The following ZNF41 variants were observed in gnomAD, a reference collection of about 807,000 sequenced individuals.
The protein encoded by ZNF41 is zinc finger protein 41.
A neutral mutation model predicts 9.3 loss-of-function variants in ZNF41; 6 were observed. The ratio of observed to expected loss-of-function variants is 0.65; its 90% CI spans 0.35 to 1.28. The LOEUF (loss-of-function observed/expected upper bound fraction) is 1.28. Among genes scored for constraint, ZNF41 ranks in the 50% most tolerant of loss-of-function variants. ZNF41 has a pLI of 0.03. For missense variants in ZNF41, 523 were observed against 585.8 expected (o/e 0.89, Z 1.11); for synonymous variants, 192 against 207.1 (o/e 0.93, Z 0.63).
At chrX:47,475,334 TC>T (rs1226177752) in intron 1 of ZNF41, among the ~76,000 whole-genome samples, 11 of 106,913 alleles carry the variant, frequency 1.0e-4, no homozygotes, top group Non-Finnish European at 1.9e-4. Flanking sequence ...CCAAAATTAA[TC>T]CCCCCCACCA....
At position 47,448,836 on chromosome X, in the gene ZNF41, G is replaced by A. The variant is rs1332414037; in HGVS notation, c.934C>T (p.Pro312Ser). 5.8e-6 allele frequency: 7 copies of A among 1,209,598 alleles called. No individual in the cohort carries two copies. Among genetic ancestry groups the A allele is most frequent in the Non-Finnish European group, 7.8e-6 (7 of 895,201 alleles). The change falls in exon 5 of 5, where the codon CCC becomes TCC. Residue 312 changes from proline (P) to serine (S), a missense_variant. Pro to Ser is a moderately conservative substitution (Grantham distance 74, BLOSUM62 -1). Coordinates refer to ENST00000684689, the MANE Select transcript of ZNF41 (RefSeq NM_001324144.2). ...DKSNKVFPQK[P>S]QVDVHPSVYT... Reference sequence around the variant, plus strand: ...ACACTTGGATGTACATCAACCTGGGGTTTCTGGGGGAAGACTTTGTTGCTT... The same window carrying A: ...ACACTTGGATGTACATCAACCTGGGATTTCTGGGGGAAGACTTTGTTGCTT...
intron 1 of ZNF41, among the ~76,000 whole-genome samples, chrX:47,475,992 T>C (rs1262794684): frequency 1.8e-5 from 2 of 111,378 alleles, no homozygotes; most frequent in Non-Finnish European, 3.8e-5. Flanking sequence ...GAGCCATTCC[T>C]AAGAAAAATA....
chrX:47,481,385 C>T (rs1315419166), intron 1 of ZNF41, among the ~76,000 whole-genome samples: 1 of 111,884 alleles, frequency 8.9e-6, no homozygotes, highest in Non-Finnish European at 1.9e-5. Context: ...TGCAATGAGC[C>T]ATGATGGTTT....
Position 47,455,967 on chromosome X carries a change from C to T in ZNF41, c.249G>A (p.Glu83=), listed in dbSNP as rs757491882. Residue 83 remains glutamate, a synonymous_variant, in exon 4 of 5, where the codon GAG becomes GAA. Coordinates refer to ENST00000684689, the MANE Select transcript of ZNF41 (RefSeq NM_001324144.2). ...SEAAFKLEQG[E]GPWMLEGEAP... ...CTTCCCCCTCCAGCATCCATGGCCC[C>T]TCTCCTTGCTCCAACTTGAAGGCAG... is the stretch of plus-strand genomic sequence containing the variant. 7.4e-6 allele frequency: 9 copies of T among 1,211,772 alleles called. No homozygotes were observed. Among genetic ancestry groups the T allele is most frequent in the Non-Finnish European group, 7.8e-6 (7 of 895,509 alleles).
In ZNF41 at chrX:47,448,003, G is replaced by T. The variant is rs758746366; in HGVS notation, c.1767C>A (p.Ile589=). 1 of 1,209,698 alleles carries T rather than the reference G, an allele frequency of 8.3e-7. No individual in the cohort carries two copies. The part of the protein sequence containing the change: ...YECKDCGKAF[I]QKSTLSVHQR... ...GATGCACGCTTAGTGTTGATTTCTG[G>T]ATGAAGGCTTTCCCGCAGTCCTTGC... The change falls in exon 5 of 5, where the codon ATC becomes ATA. Residue 589 remains isoleucine (I), a synonymous_variant. Coordinates refer to ENST00000684689, the MANE Select transcript of ZNF41 (RefSeq NM_001324144.2).
At chrX:47,459,404 T>C (rs1339872054) in intron 2 of ZNF41, among the ~76,000 whole-genome samples, 1 of 109,683 alleles carries the variant, frequency 9.1e-6, no homozygotes, top group East Asian at 2.9e-4. Context: ...ACCTGATTTA[T>C]GCCAAAGGTG....
chrX:47,451,168 A>G (rs763321295), intron 4 of ZNF41, among the ~76,000 whole-genome samples: 1 of 112,137 alleles, frequency 8.9e-6, no homozygotes, highest in Non-Finnish European at 1.9e-5. Context: ...TCATGCAGTC[A>G]TCTTCCCTTT....
chrX:47,477,881 C>T, intron 1 of ZNF41, among the ~76,000 whole-genome samples: 1 of 112,585 alleles, frequency 8.9e-6, no homozygotes, highest in Middle Eastern at 4.6e-3. Context: ...TATGTCCATA[C>T]AAAAACTTGT....
Position 47,456,009 on chromosome X carries a change from T to C in ZNF41, c.207A>G (p.Gln69=). Residue 69 remains glutamine (Q), a synonymous_variant, in exon 4 of 5, where the codon CAA becomes CAG. Coordinates refer to ENST00000684689, the MANE Select transcript of ZNF41 (RefSeq NM_001324144.2). The part of the protein sequence containing the change: ...NYSHLLSVGY[Q]IPKSEAAFKL... ...TGAAGGCAGCCTCTGACTTGGGAATTTGGTACCCTGTTAACAGGACATGAT... is the reference window on the plus strand; with the variant it reads ...TGAAGGCAGCCTCTGACTTGGGAATCTGGTACCCTGTTAACAGGACATGAT... 1 of 1,210,809 alleles carries C rather than the reference T, an allele frequency of 8.3e-7. No homozygotes were observed. Among genetic ancestry groups the C allele is most frequent in the Non-Finnish European group, 1.1e-6 (1 of 894,741 alleles).
intron 1 of ZNF41, among the ~76,000 whole-genome samples, chrX:47,471,374 G>T (rs1000932343): frequency 9.2e-6 from 1 of 109,184 alleles, no homozygotes; most frequent in East Asian, 2.8e-4. Flanking sequence ...GCTTGAACCT[G>T]GGAGGCGGGG....
intron 1 of ZNF41, among the ~76,000 whole-genome samples, chrX:47,482,021 G>A (rs888603569): frequency 9.2e-6 from 1 of 109,077 alleles, no homozygotes; most frequent in African/African-American, 3.4e-5. Context: ...CACCCAGCAG[G>A]AACCTTGGTC....
chrX:47,470,560 C>A (rs55812810), intron 1 of ZNF41, among the ~76,000 whole-genome samples: 1,614 of 108,569 alleles, frequency 0.015, 40 homozygotes, highest in African/African-American at 0.051. Flanking sequence ...AACCCTATCT[C>A]TACTAAAAAT....
chrX:47,455,679 C>A (rs1380104790), intron 4 of ZNF41, among the ~76,000 whole-genome samples: 1 of 111,939 alleles, frequency 8.9e-6, no homozygotes, highest in Admixed American at 9.5e-5. Flanking sequence ...ATACAGAGTA[C>A]AGAGACTAGA....
intron 2 of ZNF41, among the ~76,000 whole-genome samples, chrX:47,464,034 T>C (rs2056904417): frequency 1.9e-5 from 2 of 103,008 alleles, no homozygotes; most frequent in South Asian, 7.5e-4. Context: ...CTTGGATATG[T>C]TTGCCTTTTC....
intron 1 of ZNF41, among the ~76,000 whole-genome samples, chrX:47,476,194 A>G (rs778148502): frequency 9.0e-6 from 1 of 110,697 alleles, no homozygotes; most frequent in South Asian, 3.9e-4. Context: ...CTCTACTAAA[A>G]ATACAAAAAT....
At chrX:47,474,919 G>A (rs1266673613) in intron 1 of ZNF41, among the ~76,000 whole-genome samples, 1 of 104,050 alleles carries the variant, frequency 9.6e-6, no homozygotes, top group Non-Finnish European at 2.0e-5. Flanking sequence ...AGTTGCTCAT[G>A]CCTGTAATCC....
In ZNF41 at chrX:47,447,652, G is replaced by C; in HGVS notation, c.2118C>G (p.Leu706=). 1.7e-6 allele frequency: 2 copies of C among 1,211,630 alleles called. No homozygotes were observed. The highest frequency in any genetic ancestry group is 2.2e-6 in the Non-Finnish European group (2 of 895,506). ...CGKTFTWKSR[L]NIHQKSHTGE... is the part of the protein sequence containing the mutation. The stretch of plus-strand genomic sequence containing the variant: ...CAGTATGAGACTTCTGATGTATATT[G>C]AGGCGTGACTTCCAGGTGAAGGTTT... Residue 706 remains leucine (L), a synonymous_variant, in exon 5 of 5, where the codon CTC becomes CTG. Coordinates refer to ENST00000684689, the MANE Select transcript of ZNF41 (RefSeq NM_001324144.2).
intron 1 of ZNF41, among the ~76,000 whole-genome samples, chrX:47,475,597 A>G (rs2057314573): frequency 9.0e-6 from 1 of 111,656 alleles, no homozygotes; most frequent in South Asian, 3.7e-4. Context: ...TAAATAAAAT[A>G]TTACTAACTC....
chrX:47,452,473 T>C (rs960396226), intron 4 of ZNF41, among the ~76,000 whole-genome samples: 1 of 111,110 alleles, frequency 9.0e-6, no homozygotes, highest in Non-Finnish European at 1.9e-5. Flanking sequence ...CAGCAAGTAT[T>C]CTACCTGCCT....
Sources: allele counts gnomAD v4.1 joint callset (sites outside exome capture counted in the v4.1 genomes callset), GRCh38; gene constraint gnomAD v4.1.1; transcripts MANE v1.5; gene names NCBI Gene and HGNC (gene_info 2026-07-23, HGNC 2026-07-21).